ZNF57: variants seen among roughly 807,000 people sequenced by gnomAD.
The protein encoded by ZNF57 is zinc finger protein 424.
A neutral mutation model predicts 13.4 loss-of-function variants in ZNF57; 11 were observed. The ratio of observed to expected loss-of-function variants is 0.82; its 90% CI spans 0.52 to 1.36. ZNF57 has a LOEUF of 1.36. Among genes scored for constraint, ZNF57 ranks in the 40% most tolerant of loss-of-function variants. The pLI, the probability that ZNF57 is intolerant of heterozygous loss-of-function variation, is 0.00. For missense variants in ZNF57, 696 were observed against 667.5 expected (o/e 1.04, Z -0.47); for synonymous variants, 224 against 238.5 (o/e 0.94, Z 0.56).
rs752129900 is a variant in ZNF57 at position 2,905,407 on chromosome 19, G to GCCCCCCCCCCCCCCCCCCCCCCCCCC, written c.3+4370_3+4371insCCCCCCCCCCCCCCCCCCCCCCCCCC. 5.7e-5 allele frequency among the ~76,000 whole-genome samples: 2 copies of GCCCCCCCCCCCCCCCCCCCCCCCCCC among 34,816 alleles called. 1 individual carries two copies. Among genetic ancestry groups the GCCCCCCCCCCCCCCCCCCCCCCCCCC allele is most frequent in the Non-Finnish European group, 1.1e-4 (2 of 18,350 alleles). 22.8% of individuals were successfully genotyped at this position (34,816 alleles called of 152,430 possible). On this transcript the variant is annotated intron_variant, in intron 1 of 3. Transcript: ENST00000306908. The stretch of plus-strand genomic sequence containing the variant: ...CTCGAACTCTTGACTTCAGGTGATC[G>GCCCCCCCCCCCCCCCCCCCCCCCCCC]CCCCCCCCCCCTCGGCATTCCAAAG...
In ZNF57 at chr19:2,916,106, G is replaced by T. The variant is rs2088191169; in HGVS notation, c.159G>T (p.Gly53=). The T allele has an allele frequency of 6.2e-7, 1 of 1,610,834 alleles. No individual in the cohort carries two copies. Among genetic ancestry groups the T allele is most frequent in the Admixed American group, 1.7e-5 (1 of 58,780 alleles). Residue 53 remains glycine (G), a synonymous_variant, in exon 3 of 4, where the codon GGG becomes GGT. Transcript: ENST00000306908. ...VDDGTQFKAN[G]SVSLQDMYGQ... ...ATGGGACTCAATTTAAAGCCAATGG[G>T]TCAGTTTCTCTGCAGGATATGTACG...
chr19:2,906,261 C>A (rs1007001805), intron 1 of ZNF57, among the ~76,000 whole-genome samples: 1 of 152,290 alleles, frequency 6.6e-6, no homozygotes, highest in East Asian at 1.9e-4. Context: ...GCTGTGTTGC[C>A]CAGGCTGGTC....
intron 3 of ZNF57, 67 bp downstream of exon 3, chr19:2,916,316 A>G (rs1217400343): frequency 1.5e-6 from 2 of 1,376,582 alleles, no homozygotes; most frequent in Non-Finnish European, 1.9e-6. Flanking sequence ...ATTGCTCCAA[A>G]TATAAGCATT....
chr19:2,905,412 C>CA lies in ZNF57; in HGVS notation c.3+4364_3+4365insA, dbSNP rs1568179177. On this transcript the variant is annotated intron_variant, in intron 1 of 3. Coordinates refer to ENST00000306908, the MANE Select transcript of ZNF57 (RefSeq NM_173480.3). ...ACTCTTGACTTCAGGTGATCGCCCC[C>CA]CCCCCCTCGGCATTCCAAAGTATTT... Among the ~76,000 whole-genome samples the CA allele has an allele frequency of 2.8e-5, 2 of 70,290 alleles. 1 individual carries two copies. Among genetic ancestry groups the CA allele is most frequent in the Non-Finnish European group, 8.6e-5 (2 of 23,312 alleles). The allele number at this position is 70,290 out of a possible 152,430, so 46.1% of individuals were successfully genotyped here.
At chr19:2,902,056 G>T (rs1184899907) in intron 1 of ZNF57, among the ~76,000 whole-genome samples, 2 of 151,124 alleles carry the variant, frequency 1.3e-5, no homozygotes, top group Non-Finnish European at 2.9e-5. Context: ...CGAGGAGGAC[G>T]TATCGTACAA....
chr19:2,908,325 C>T (rs1377577280), intron 1 of ZNF57, among the ~76,000 whole-genome samples: 1 of 151,828 alleles, frequency 6.6e-6, no homozygotes, highest in Non-Finnish European at 1.5e-5. Flanking sequence ...TCATGGGCGT[C>T]TTCATTTTGT....
At chr19:2,907,340 C>T (rs1336518045) in intron 1 of ZNF57, among the ~76,000 whole-genome samples, 1 of 152,100 alleles carries the variant, frequency 6.6e-6, no homozygotes, top group Non-Finnish European at 1.5e-5. Flanking sequence ...CAGCTCGCCC[C>T]ACCTGGAAAG....
chr19:2,911,997 G>T (rs866901612), intron 1 of ZNF57: 1 of 152,194 alleles, frequency 6.6e-6, no homozygotes, highest in East Asian at 1.9e-4. Flanking sequence ...TTGCCTTTTA[G>T]TATGCCTTGT....
chr19:2,914,477 A>C (rs2088170839), intron 1 of ZNF57, among the ~76,000 whole-genome samples: 2 of 151,774 alleles, frequency 1.3e-5, no homozygotes, highest in African/African-American at 4.8e-5. Context: ...CTGGTCTCAA[A>C]CTCCCGACCT....
In ZNF57 at chr19:2,918,213, C is replaced by A; in HGVS notation, c.1592C>A (p.Ser531Tyr). ...NHLRMHTGQK[S>Y]HECQSYSKAF... ...CTGAGGATGCACACAGGACAGAAAT[C>A]CCACGAATGTCAGTCATACTCAAAA... Residue 531 changes from serine to tyrosine, a missense_variant, in exon 4 of 4, where the codon TCC (serine) becomes TAC (tyrosine). Transcript: ENST00000306908. 6.2e-7 allele frequency: 1 copy of A among 1,614,126 alleles called. No individual in the cohort carries two copies. Among genetic ancestry groups the A allele is most frequent in the South Asian group, 1.1e-5 (1 of 91,058 alleles).
rs752129900 is a variant in ZNF57 at position 2,905,407 on chromosome 19, G to GCCCCCCCCCCCCCCCCCCCCCCCCCCC, written c.3+4370_3+4371insCCCCCCCCCCCCCCCCCCCCCCCCCCC. On this transcript the variant is annotated intron_variant, in intron 1 of 3. Coordinates refer to ENST00000306908, the MANE Select transcript of ZNF57 (RefSeq NM_173480.3). ...CTCGAACTCTTGACTTCAGGTGATC[G>GCCCCCCCCCCCCCCCCCCCCCCCCCCC]CCCCCCCCCCCTCGGCATTCCAAAG... Among the ~76,000 whole-genome samples the GCCCCCCCCCCCCCCCCCCCCCCCCCCC allele has an allele frequency of 5.7e-5, 2 of 34,818 alleles. 1 individual carries two copies. Among genetic ancestry groups the GCCCCCCCCCCCCCCCCCCCCCCCCCCC allele is most frequent in the Non-Finnish European group, 1.1e-4 (2 of 18,350 alleles). 22.8% of individuals were successfully genotyped at this position (34,818 alleles called of 152,430 possible).
At position 2,903,772 on chromosome 19, in the gene ZNF57, T is replaced by C. The variant is rs1439292250; in HGVS notation, c.3+2724T>C. Among the ~76,000 whole-genome samples, 6 of 151,718 alleles carry C rather than the reference T, an allele frequency of 4.0e-5. 1 individual carries two copies. Among genetic ancestry groups the C allele is most frequent in the African/African-American group, 1.5e-4 (6 of 41,372 alleles). On this transcript the variant is annotated intron_variant, in intron 1 of 3. Transcript: ENST00000306908. ...CTCTGTCGCCCAGGCTGGAGTGCAG[T>C]GGTGCGATCTCGGCTCACTGCAGGC...
chr19:2,906,731 G>C (rs947205424), intron 1 of ZNF57, among the ~76,000 whole-genome samples: 1 of 152,154 alleles, frequency 6.6e-6, no homozygotes, highest in African/African-American at 2.4e-5. Flanking sequence ...TGTTGTGTGC[G>C]CACAAGACTG....
At chr19:2,901,615 G>A (rs980456757) in intron 1 of ZNF57, among the ~76,000 whole-genome samples, 3 of 152,028 alleles carry the variant, frequency 2.0e-5, no homozygotes, top group Non-Finnish European at 4.4e-5. Flanking sequence ...CCGCCTCCCG[G>A]GTTCAAGCGA....
Position 2,917,218 on chromosome 19 carries a change from A to G in ZNF57, c.597A>G (p.Gln199=), listed in dbSNP as rs766204639. The change falls in exon 4 of 4, where the codon CAA becomes CAG. Residue 199 remains glutamine, a synonymous_variant. Coordinates refer to ENST00000306908, the MANE Select transcript of ZNF57 (RefSeq NM_173480.3). ...CTGAGGAGAAGCCGTATAAGTGTCA[A>G]GCATGTGGGCAAACTTTCCAACATC... is the stretch of plus-strand genomic sequence containing the variant. ...TDTEEKPYKC[Q]ACGQTFQHPR... 7 of 1,614,134 alleles carry G rather than the reference A, an allele frequency of 4.3e-6. No individual in the cohort carries two copies. Among genetic ancestry groups the G allele is most frequent in the Non-Finnish European group, 5.1e-6 (6 of 1,180,056 alleles).
At position 2,918,449 on chromosome 19, in the gene ZNF57, A is replaced by T; in HGVS notation, c.*160A>T. 5.3e-6 allele frequency: 4 copies of T among 760,334 alleles called. No homozygotes were observed. The highest frequency in any genetic ancestry group is 8.1e-6 in the Non-Finnish European group (4 of 493,828). The allele number at this position is 760,334 out of a possible 1,614,324, so 47.1% of individuals were successfully genotyped here. A position where few individuals can be genotyped will look rare whatever the true frequency, so the allele number is the denominator to read the frequency against. The stretch of plus-strand genomic sequence containing the variant: ...TTAGTCGTGAATTTCCAGCTCTTTC[A>T]AAAATAAATGTTTATGTGAGAAAAT... On this transcript the variant is annotated 3_prime_UTR_variant, in exon 4 of 4. Coordinates refer to ENST00000306908, the MANE Select transcript of ZNF57 (RefSeq NM_173480.3).
At chr19:2,905,188 G>T (rs1326477491) in intron 1 of ZNF57, among the ~76,000 whole-genome samples, 1 of 151,488 alleles carries the variant, frequency 6.6e-6, no homozygotes. Context: ...TTTTTGAGAT[G>T]GAGTCTTGCT....
intron 1 of ZNF57, 107 bp downstream of exon 1, chr19:2,901,155 G>C (rs2088025954): frequency 1.4e-6 from 2 of 1,406,212 alleles, no homozygotes; most frequent in Middle Eastern, 2.1e-4. Flanking sequence ...GGGACGCGCG[G>C]GGCGGCGCAG....
At chr19:2,903,174 T>C (rs984469458) in intron 1 of ZNF57, among the ~76,000 whole-genome samples, 3 of 152,206 alleles carry the variant, frequency 2.0e-5, no homozygotes, top group African/African-American at 7.2e-5. Flanking sequence ...GCACCTGTGC[T>C]GTCTTGGAGC....
Sources: gnomAD v4.1 joint callset for allele counts (sites outside exome capture counted in the v4.1 genomes callset) on GRCh38, gnomAD v4.1.1 for gene constraint, MANE v1.5 for transcripts, NCBI Gene and HGNC (gene_info 2026-07-23, HGNC 2026-07-21) for gene names.